Variants in ADGRB3 observed in about 807,000 individuals in gnomAD.
The protein encoded by ADGRB3 is adhesion G protein-coupled receptor B3, also known as brain-specific angiogenesis inhibitor 3.
Under a neutral mutation model 193.4 loss-of-function variants are expected in ADGRB3, and 37 were observed. The observed-to-expected ratio is 0.19, with a 90% CI of 0.15 to 0.25. ADGRB3 has a LOEUF of 0.25. Among genes scored for constraint, ADGRB3 ranks in the 10% least tolerant of loss-of-function variants. The pLI, the probability that ADGRB3 is intolerant of heterozygous loss-of-function variation, is 1.00. For missense variants in ADGRB3, 1,637 were observed against 1,852.9 expected (o/e 0.88, Z 2.14); for synonymous variants, 690 against 644.2 (o/e 1.07, Z -1.08).
At chr6:69,016,919 T>C (rs897494637) in intron 12 of ADGRB3, among the ~76,000 whole-genome samples, 2 of 151,930 alleles carry the variant, frequency 1.3e-5, no homozygotes, top group Non-Finnish European at 2.9e-5. Context: ...CATACTCATA[T>C]ACATATGCAC....
chr6:69,349,189 A>G (rs1769171343), intron 26 of ADGRB3, among the ~76,000 whole-genome samples: 1 of 152,234 alleles, frequency 6.6e-6, no homozygotes, highest in Non-Finnish European at 1.5e-5. Context: ...TATGACACAT[A>G]ATGTCCCTTT....
chr6:68,988,941 A>C (rs986854149), intron 10 of ADGRB3, among the ~76,000 whole-genome samples: 1 of 152,178 alleles, frequency 6.6e-6, no homozygotes, highest in Non-Finnish European at 1.5e-5. Flanking sequence ...AGTCTGAACC[A>C]AGAACAGATG....
intron 3 of ADGRB3, among the ~76,000 whole-genome samples, chr6:68,703,715 C>T (rs1231911988): frequency 2.0e-5 from 3 of 152,086 alleles, no homozygotes; most frequent in Admixed American, 6.5e-5. Context: ...CTCCGCCTCC[C>T]GGATTCAAGC....
intron 20 of ADGRB3, among the ~76,000 whole-genome samples, chr6:69,321,906 C>T (rs1054029327): frequency 2.0e-5 from 3 of 151,638 alleles, no homozygotes; most frequent in African/African-American, 7.3e-5. Context: ...ATGTTTGTTA[C>T]GTAGGTAAAT....
chr6:69,021,508 A>G (rs1026515214), intron 13 of ADGRB3, among the ~76,000 whole-genome samples: 1 of 151,938 alleles, frequency 6.6e-6, no homozygotes, highest in African/African-American at 2.4e-5. Context: ...AAGCAGTGCT[A>G]TTAGAGGCAC....
At chr6:69,266,990 G>A (rs6920202) in intron 20 of ADGRB3, among the ~76,000 whole-genome samples, 230 of 152,120 alleles carry the variant, frequency 1.5e-3, no homozygotes, top group African/African-American at 5.0e-3. Flanking sequence ...GTATAAGGTC[G>A]TGATGCCCTT....
At chr6:68,915,115 T>C (rs537922915) in intron 3 of ADGRB3, among the ~76,000 whole-genome samples, 1 of 152,318 alleles carries the variant, frequency 6.6e-6, no homozygotes, top group Non-Finnish European at 1.5e-5. Flanking sequence ...ATCTTAGTGG[T>C]CTTATTAACT....
At position 68,803,712 on chromosome 6, in the gene ADGRB3, G is replaced by T. The variant is rs553073599; in HGVS notation, c.758-126847G>T. Reference sequence around the variant, plus strand: ...CTTTTCCTCAAACCAATGCCATGTTGCTCATTGCTTGCTTTTTATTATCTA... The same window carrying T: ...CTTTTCCTCAAACCAATGCCATGTTTCTCATTGCTTGCTTTTTATTATCTA... On this transcript the variant is annotated intron_variant, in intron 3 of 31. Coordinates refer to ENST00000370598, the MANE Select transcript of ADGRB3 (RefSeq NM_001704.3). 7.2e-5 allele frequency among the ~76,000 whole-genome samples: 11 copies of T among 152,092 alleles called. No homozygotes were observed. The South Asian group carries it at 1.5e-3, about 20-fold the overall frequency.
intron 17 of ADGRB3, among the ~76,000 whole-genome samples, chr6:69,162,684 T>G (rs1775029221): frequency 2.0e-5 from 3 of 152,144 alleles, no homozygotes. Flanking sequence ...TGCAACATTT[T>G]ATAAAATGAG....
intron 17 of ADGRB3, among the ~76,000 whole-genome samples, chr6:69,217,773 T>C (rs528739112): frequency 1.5e-3 from 229 of 152,280 alleles, no homozygotes; most frequent in African/African-American, 5.1e-3. Flanking sequence ...CCTTTGGCAG[T>C]CAGATTGAAG....
intron 3 of ADGRB3, among the ~76,000 whole-genome samples, chr6:68,838,002 G>A (rs141935963): frequency 1.4e-4 from 21 of 151,980 alleles, no homozygotes; most frequent in African/African-American, 5.1e-4. Context: ...CCACACTTCT[G>A]TTTTCCTTTT....
At chr6:68,926,356 G>T (rs1329394289) in intron 3 of ADGRB3, among the ~76,000 whole-genome samples, 1 of 152,096 alleles carries the variant, frequency 6.6e-6, no homozygotes, top group Non-Finnish European at 1.5e-5. Context: ...GGTTGTTTAT[G>T]TTTAGTTAAT....
At chr6:69,324,527 G>A (rs1768527393) in intron 20 of ADGRB3, among the ~76,000 whole-genome samples, 1 of 152,070 alleles carries the variant, frequency 6.6e-6, no homozygotes, top group Admixed American at 6.6e-5. Flanking sequence ...CAAGATGTCT[G>A]TAACAAATTA....
intron 3 of ADGRB3, among the ~76,000 whole-genome samples, chr6:68,642,082 A>G (rs1213143765): frequency 6.6e-6 from 1 of 152,068 alleles, no homozygotes; most frequent in Non-Finnish European, 1.5e-5. Context: ...ATTTCCTATT[A>G]AAAAAGGTTG....
chr6:69,248,989 T>G (rs989187070), intron 20 of ADGRB3, among the ~76,000 whole-genome samples: 1 of 152,176 alleles, frequency 6.6e-6, no homozygotes, highest in Non-Finnish European at 1.5e-5. Flanking sequence ...TTCTTTTTCT[T>G]TTTTTTGAAA....
chr6:69,355,804 A>C lies in ADGRB3; in HGVS notation c.3556-17A>C, dbSNP rs200383390. ...TCATTAAATGATGGTTCTATGTCTT[A>C]TTATTTATTGTTACAGACAGACTTT... On this transcript the variant is annotated splice_polypyrimidine_tract_variant and intron_variant, in intron 27 of 31. Coordinates refer to ENST00000370598, the MANE Select transcript of ADGRB3 (RefSeq NM_001704.3). The C allele has an allele frequency of 1.7e-4, 266 of 1,595,332 alleles. No homozygotes were observed. Among genetic ancestry groups the C allele is most frequent in the Non-Finnish European group, 2.2e-4 (258 of 1,164,470 alleles).
chr6:68,696,646 AT>A (rs1218667936), intron 3 of ADGRB3, among the ~76,000 whole-genome samples: 7 of 151,832 alleles, frequency 4.6e-5, no homozygotes, highest in Non-Finnish European at 8.8e-5. Context: ...AATTTATATA[AT>A]TTTTTCTAAT....
At chr6:68,779,117 TAC>T (rs1766805486) in intron 3 of ADGRB3, among the ~76,000 whole-genome samples, 3 of 151,730 alleles carry the variant, frequency 2.0e-5, no homozygotes, top group African/African-American at 2.4e-5. Context: ...TGTGTGTGTA[TAC>T]ACACACACAC....
At chr6:69,302,562 C>A (rs141102006) in intron 20 of ADGRB3, among the ~76,000 whole-genome samples, 2 of 151,868 alleles carry the variant, frequency 1.3e-5, no homozygotes, top group South Asian at 2.1e-4. Flanking sequence ...CCAAACATAA[C>A]GTCTGTAATA....
Sources: allele counts gnomAD v4.1 joint callset (sites outside exome capture counted in the v4.1 genomes callset), GRCh38; gene constraint gnomAD v4.1.1; transcripts MANE v1.5; gene names NCBI Gene and HGNC (gene_info 2026-07-23, HGNC 2026-07-21).